The following PALM2AKAP2 variants were observed in gnomAD, a reference collection of about 807,000 sequenced individuals.
The protein encoded by PALM2AKAP2 is PALM2 and AKAP2 fusion.
PALM2AKAP2 carries 37 observed loss-of-function variants against 71.5 expected under a neutral mutation model. That is an observed-to-expected ratio of 0.52 (90% CI 0.40 to 0.68). The LOEUF (loss-of-function observed/expected upper bound fraction) is 0.68, where lower values mean the gene tolerates loss of function less well. PALM2AKAP2 is among the 30% of genes least tolerant of loss of function. PALM2AKAP2 has a pLI of 0.00. For missense variants in PALM2AKAP2, 1,224 were observed against 1,191.8 expected, an observed-to-expected ratio of 1.03 and a Z score of -0.40; for synonymous variants, 468 against 478.8, an observed-to-expected ratio of 0.98 and a Z score of 0.29.
intron 1 of PALM2AKAP2, among the ~76,000 whole-genome samples, chr9:109,653,684 A>C (rs1350757241): frequency 6.6e-6 from 1 of 152,208 alleles, no homozygotes; most frequent in Non-Finnish European, 1.5e-5. Flanking sequence ...TGTTCCCAAC[A>C]AGCTTCCCAG....
Position 109,797,513 on chromosome 9 carries a change from T to A in PALM2AKAP2, c.45+16980T>A, listed in dbSNP as rs1034413260. On this transcript the variant is annotated intron_variant, in intron 1 of 9. Coordinates refer to the PALM2AKAP2 transcript ENST00000302798. ...CCTAGATCCTGGAAGTCTACAGAGT[T>A]AGAATCTTTCCTGGTTCTGAACTCA... Among the ~76,000 whole-genome samples, 8 of 152,188 alleles carry A rather than the reference T, an allele frequency of 5.3e-5. No homozygotes were observed. The East Asian group carries it at 1.5e-3, about 29-fold the overall frequency.
At chr9:110,058,875 G>T (rs1232805011) in intron 1 of PALM2AKAP2, among the ~76,000 whole-genome samples, 1 of 143,214 alleles carries the variant, frequency 7.0e-6, no homozygotes, top group Non-Finnish European at 1.5e-5. Context: ...TATGCTTATT[G>T]TATACTGATG....
intron 3 of PALM2AKAP2, among the ~76,000 whole-genome samples, chr9:109,884,746 G>GT (rs1829928183): frequency 1.3e-5 from 2 of 152,184 alleles, no homozygotes; most frequent in African/African-American, 2.4e-5. Context: ...TTCTCCTAAA[G>GT]AGATACATAA....
intron 3 of PALM2AKAP2, among the ~76,000 whole-genome samples, chr9:110,158,181 T>C (rs1178041407): frequency 6.6e-6 from 1 of 152,238 alleles, no homozygotes; most frequent in Admixed American, 6.5e-5. Context: ...CACCAGCCCT[T>C]CTTTGAAGCC....
At chr9:110,065,116 T>TCC (rs1834050162) in intron 1 of PALM2AKAP2, among the ~76,000 whole-genome samples, 2 of 152,206 alleles carry the variant, frequency 1.3e-5, no homozygotes, top group Non-Finnish European at 2.9e-5. Flanking sequence ...TTCCTGCACT[T>TCC]CCGTGACAGC....
chr9:109,662,953 G>A (rs191820468), intron 1 of PALM2AKAP2, among the ~76,000 whole-genome samples: 18 of 152,224 alleles, frequency 1.2e-4, no homozygotes, highest in Middle Eastern at 3.4e-3. Flanking sequence ...GTTTATTTGC[G>A]TAGAGGTGTT....
intron 1 of PALM2AKAP2, among the ~76,000 whole-genome samples, chr9:109,738,511 A>G (rs1468315884): frequency 6.6e-6 from 1 of 152,232 alleles, no homozygotes; most frequent in Non-Finnish European, 1.5e-5. Context: ...GATCAATATA[A>G]AAACGTCTAT....
chr9:109,960,326 G>A (rs1045084195), intron 6 of PALM2AKAP2, among the ~76,000 whole-genome samples: 2 of 152,114 alleles, frequency 1.3e-5, no homozygotes, highest in Non-Finnish European at 2.9e-5. Flanking sequence ...TTTACCATAC[G>A]GCTGACCCTT....
At chr9:109,947,099 A>G (rs1831528398) in intron 6 of PALM2AKAP2, among the ~76,000 whole-genome samples, 2 of 152,252 alleles carry the variant, frequency 1.3e-5, no homozygotes. Flanking sequence ...CCTTATGGCC[A>G]AACCTAAAAC....
intron 1 of PALM2AKAP2, among the ~76,000 whole-genome samples, chr9:109,644,927 C>A (rs1349531779): frequency 1.3e-5 from 2 of 152,232 alleles, no homozygotes; most frequent in Non-Finnish European, 2.9e-5. Context: ...TTCAGCAAGT[C>A]TCTAGGGAGT....
intron 6 of PALM2AKAP2, among the ~76,000 whole-genome samples, chr9:109,967,351 A>G (rs769656103): frequency 6.6e-6 from 1 of 151,872 alleles, no homozygotes; most frequent in Non-Finnish European, 1.5e-5. Context: ...CCTTCTATGT[A>G]TTAGAAGCAA....
At chr9:110,044,632 G>A (rs1833566308), upstream of PALM2AKAP2, among the ~76,000 whole-genome samples, 1 of 150,106 alleles carries the variant, frequency 6.7e-6, no homozygotes, top group Non-Finnish European at 1.5e-5. Flanking sequence ...GATTACAGGC[G>A]TGCCACCACA....
At chr9:109,869,292 T>C (rs1462749631) in intron 2 of PALM2AKAP2, among the ~76,000 whole-genome samples, 1 of 152,114 alleles carries the variant, frequency 6.6e-6, no homozygotes, top group Non-Finnish European at 1.5e-5. Context: ...CAGTGCAGTA[T>C]TAGTATATTC....
chr9:109,826,893 A>C (rs1828163906), intron 1 of PALM2AKAP2, among the ~76,000 whole-genome samples: 1 of 152,182 alleles, frequency 6.6e-6, no homozygotes, highest in Non-Finnish European at 1.5e-5. Context: ...TAGTGCAGCA[A>C]TTTTCAGAAT....
In PALM2AKAP2 at chr9:109,725,859, C is replaced by G. The variant is rs531484517; in HGVS notation, c.6-54629C>G. Among the ~76,000 whole-genome samples, 6 of 152,328 alleles carry G rather than the reference C, an allele frequency of 3.9e-5. No individual in the cohort carries two copies. In the South Asian group the frequency reaches 1.2e-3, roughly 32 times the overall value. On this transcript the variant is annotated intron_variant, in intron 1 of 6. Coordinates refer to the PALM2AKAP2 transcript ENST00000374531. Reference sequence around the variant, plus strand: ...AGTAGCAAAATGGAATGTCACACTTCACACAGTCTCTCATCGTGGCAGCTA... The same window carrying G: ...AGTAGCAAAATGGAATGTCACACTTGACACAGTCTCTCATCGTGGCAGCTA...
At chr9:110,109,336 AC>A (rs1241910607) in intron 1 of PALM2AKAP2, among the ~76,000 whole-genome samples, 44 of 134,254 alleles carry the variant, frequency 3.3e-4, no homozygotes, top group African/African-American at 1.0e-3. Flanking sequence ...AAAAAAAAAA[AC>A]CAGAAAGAAA....
At chr9:110,039,453 G>C (rs1178975041) in intron 7 of PALM2AKAP2, among the ~76,000 whole-genome samples, 1 of 152,114 alleles carries the variant, frequency 6.6e-6, no homozygotes, top group African/African-American at 2.4e-5. Context: ...AGATAAGAAG[G>C]GAGGGATGGC....
chr9:109,735,228 C>T (rs949179608), intron 1 of PALM2AKAP2, among the ~76,000 whole-genome samples: 10 of 149,956 alleles, frequency 6.7e-5, no homozygotes, highest in Non-Finnish European at 1.3e-4. Context: ...CCTGAAGCTC[C>T]TTTGTAGCTC....
At chr9:109,885,607 T>C (rs1424812260) in intron 3 of PALM2AKAP2, among the ~76,000 whole-genome samples, 1 of 152,178 alleles carries the variant, frequency 6.6e-6, no homozygotes, top group Non-Finnish European at 1.5e-5. Flanking sequence ...ATAAGAAAAC[T>C]GGCTTCACAC....
Sources: allele counts gnomAD v4.1 joint callset (sites outside exome capture counted in the v4.1 genomes callset), GRCh38; gene constraint gnomAD v4.1.1; transcripts MANE v1.5; gene names NCBI Gene and HGNC (gene_info 2026-07-23, HGNC 2026-07-21).